The following TNS1 variants were observed in gnomAD, a reference collection of about 807,000 sequenced individuals.
TNS1 encodes tensin 1.
TNS1 carries 62 observed loss-of-function variants against 168.6 expected under a neutral mutation model. The observed-to-expected ratio is 0.37, with a 90% CI of 0.30 to 0.45. TNS1 has a LOEUF of 0.45. TNS1 is among the 20% of genes least tolerant of loss of function. TNS1 has a pLI of 1.00. For missense variants in TNS1, 2,240 were observed against 2,339.4 expected (o/e 0.96, Z 0.88); for synonymous variants, 934 against 933.2 (o/e 1.00, Z -0.02).
chr2:217,882,409 C>T lies in TNS1; in HGVS notation c.1249G>A (p.Asp417Asn), dbSNP rs1950768336. 1 of 1,597,930 alleles carries T rather than the reference C, an allele frequency of 6.3e-7. No individual in the cohort carries two copies. Among genetic ancestry groups the T allele is most frequent in the Admixed American group, 1.8e-5 (1 of 55,718 alleles). The change falls in exon 17 of 33, where the codon GAT becomes AAT. Residue 417 changes from aspartate to asparagine, a missense_variant and splice_region_variant. Asp to Asn is a conservative substitution (Grantham distance 23, BLOSUM62 1). Transcript: ENST00000682258. ...ACTTTGCCATACTCTGGAAATCGAT[C>T]ATCTGGAAAAAGAGAAGGAAAAATA... ...KEDLDDAFKDDRFPEYGKVEF... is the reference protein window; with the variant it reads ...KEDLDDAFKDNRFPEYGKVEF...
At chr2:217,841,357 G>T in intron 19 of TNS1, 3 of 806,860 alleles carry the variant, frequency 3.7e-6, no homozygotes, top group Non-Finnish European at 4.5e-6. Flanking sequence ...ATGGGGCAAG[G>T]CAGGCACCCC....
chr2:218,005,313 C>T (rs537392480), upstream of TNS1, among the ~76,000 whole-genome samples: 15 of 152,290 alleles, frequency 9.8e-5, no homozygotes, highest in African/African-American at 2.6e-4. Context: ...CTACACAGCC[C>T]GAGGAGGCCC....
At chr2:217,978,071 G>A (rs1368685552) in intron 3 of TNS1, among the ~76,000 whole-genome samples, 6 of 152,108 alleles carry the variant, frequency 3.9e-5, no homozygotes, top group Admixed American at 6.5e-5. Flanking sequence ...TGACTCCTGT[G>A]TCCAAACCTC....
At chr2:217,854,867 C>T (rs1362751023) in intron 18 of TNS1, among the ~76,000 whole-genome samples, 1 of 152,180 alleles carries the variant, frequency 6.6e-6, no homozygotes, top group Non-Finnish European at 1.5e-5. Flanking sequence ...CCTTCCCACC[C>T]CACCTCGGCA....
intron 3 of TNS1, among the ~76,000 whole-genome samples, chr2:217,924,629 A>C (rs1396969558): frequency 6.6e-6 from 1 of 152,190 alleles, no homozygotes; most frequent in South Asian, 2.1e-4. Flanking sequence ...AGCACCTACT[A>C]TGCACCAGGC....
intron 9 of TNS1, among the ~76,000 whole-genome samples, chr2:217,894,045 C>T (rs1361268319): frequency 6.6e-6 from 1 of 152,180 alleles, no homozygotes; most frequent in African/African-American, 2.4e-5. Flanking sequence ...TGACTCTTTT[C>T]TAGGCCCTGG....
At chr2:217,949,559 G>C (rs1270028087) in intron 3 of TNS1, among the ~76,000 whole-genome samples, 2 of 152,214 alleles carry the variant, frequency 1.3e-5, no homozygotes, top group Non-Finnish European at 2.9e-5. Context: ...GAAATTCCTG[G>C]AGACAAGAGA....
upstream of TNS1, among the ~76,000 whole-genome samples, chr2:218,011,353 C>G (rs1423857987): frequency 6.6e-6 from 1 of 151,880 alleles, no homozygotes; most frequent in Non-Finnish European, 1.5e-5. Flanking sequence ...GCAGAGAGTG[C>G]GGAGAGCTGG....
intron 2 of TNS1, 21 bp from the exon 3 acceptor site, chr2:217,978,823 G>A (rs771234927): frequency 8.5e-6 from 6 of 701,998 alleles, no homozygotes; most frequent in Non-Finnish European, 1.6e-5. Context: ...GCGAGACACA[G>A]AAAGAAAGTT....
intron 19 of TNS1, among the ~76,000 whole-genome samples, chr2:217,846,769 C>T (rs1457880798): frequency 6.6e-6 from 1 of 152,176 alleles, no homozygotes; most frequent in Non-Finnish European, 1.5e-5. Flanking sequence ...TCTGAGTGTC[C>T]CACTTTCCTC....
intron 3 of TNS1, among the ~76,000 whole-genome samples, chr2:217,930,536 C>G (rs1389888829): frequency 1.3e-5 from 2 of 152,190 alleles, no homozygotes; most frequent in African/African-American, 4.8e-5. Context: ...TGTCCAGGAC[C>G]CTGGAGTGGC....
chr2:217,833,917 A>T (rs1226265319), intron 21 of TNS1, among the ~76,000 whole-genome samples: 2 of 152,264 alleles, frequency 1.3e-5, no homozygotes, highest in Non-Finnish European at 2.9e-5. Context: ...TTTATAAGAG[A>T]TTGTAAAATA....
chr2:217,891,191 C>A, intron 11 of TNS1, 146 bp from the exon 12 acceptor site: 1 of 709,622 alleles, frequency 1.4e-6, no homozygotes. Flanking sequence ...CTTCCCCCTG[C>A]CATCCTGTGC....
intron 12 of TNS1, among the ~76,000 whole-genome samples, chr2:217,889,098 C>T (rs1951501110): frequency 6.6e-6 from 1 of 152,226 alleles, no homozygotes; most frequent in Non-Finnish European, 1.5e-5. Context: ...AGTGCTTGAC[C>T]AATCATTCTT....
chr2:217,814,362 C>A (rs960993613), intron 25 of TNS1, among the ~76,000 whole-genome samples: 2 of 152,144 alleles, frequency 1.3e-5, no homozygotes, highest in Non-Finnish European at 2.9e-5. Context: ...TTTCAGGCTT[C>A]GCAGGCCATG....
chr2:218,006,894 C>G (rs1958663061), upstream of TNS1, among the ~76,000 whole-genome samples: 1 of 152,160 alleles, frequency 6.6e-6, no homozygotes, highest in Non-Finnish European at 1.5e-5. Flanking sequence ...CACCGCTAGC[C>G]TAATCCAGCC....
At chr2:217,899,778 G>C (rs565766731) in intron 7 of TNS1, among the ~76,000 whole-genome samples, 1 of 152,350 alleles carries the variant, frequency 6.6e-6, no homozygotes, top group East Asian at 1.9e-4. Context: ...CCAGGTCTAA[G>C]GGAAGGAGGG....
chr2:217,909,913 G>A (rs773158011), intron 4 of TNS1, among the ~76,000 whole-genome samples: 7 of 152,238 alleles, frequency 4.6e-5, no homozygotes, highest in Non-Finnish European at 8.8e-5. Context: ...GTTATTTTGG[G>A]GGGATCAAAT....
intron 23 of TNS1, 130 bp from the exon 24 acceptor site, chr2:217,818,889 C>T: frequency 1.4e-6 from 1 of 728,010 alleles, no homozygotes; most frequent in Non-Finnish European, 2.2e-6. Context: ...TGCGGAAGGA[C>T]ATCAGGGTTT....
Sources: gnomAD v4.1 joint callset for allele counts (sites outside exome capture counted in the v4.1 genomes callset) on GRCh38, gnomAD v4.1.1 for gene constraint, MANE v1.5 for transcripts, NCBI Gene and HGNC (gene_info 2026-07-23, HGNC 2026-07-21) for gene names.